The following FUCA1 variants were observed in gnomAD, a reference collection of about 807,000 sequenced individuals.
The protein encoded by FUCA1 is alpha-L-fucosidase 1.
FUCA1 carries 52 observed loss-of-function variants against 56.8 expected under a neutral mutation model. That is an observed-to-expected ratio of 0.92 (90% CI 0.73 to 1.15). The LOEUF (loss-of-function observed/expected upper bound fraction) is 1.15, where lower values mean the gene tolerates loss of function less well. Among genes scored for constraint, FUCA1 ranks in the 50% most tolerant of loss-of-function variants. FUCA1 has a pLI of 0.00. For synonymous variants in FUCA1, 230 were observed against 226.6 expected (o/e 1.02, Z -0.14); for missense variants, 568 against 592.6 (o/e 0.96, Z 0.43).
chr1:23,848,832 AC>A lies in FUCA1; in HGVS notation c.976del (p.Val326PhefsTer4). Reference protein sequence around the residue: ...TEESEIISELVQTVSLGGNYL... With the variant: ...TEESEIISELXQTVSLGGNYL... ...GTTGCCTCCCAAACTTACTGTCTGA[AC>A]CAGTTCCTGGAGAGAACAGAAACAA... is the stretch of plus-strand genomic sequence containing the variant. On this transcript the variant is annotated frameshift_variant, in exon 6 of 8. Transcript: ENST00000374479. LOFTEE classifies it high-confidence loss of function. 3 of 1,613,980 alleles carry A rather than the reference AC, an allele frequency of 1.9e-6. No individual in the cohort carries two copies. The highest frequency in any genetic ancestry group is 2.5e-6 in the Non-Finnish European group (3 of 1,179,874).
At position 23,868,076 on chromosome 1, in the gene FUCA1, C is replaced by T; in HGVS notation, c.211G>A (p.Ala71Thr). The T allele has an allele frequency of 6.2e-7, 1 of 1,611,576 alleles. No individual in the cohort carries two copies. The highest frequency in any genetic ancestry group is 8.5e-7 in the Non-Finnish European group (1 of 1,179,458). ...CACCAGAACCACTCGCTGCCCCAGGCGGGCACCGAGAACACGCCCCAGTGG... is the reference window on the plus strand; with the variant it reads ...CACCAGAACCACTCGCTGCCCCAGGTGGGCACCGAGAACACGCCCCAGTGG... ...FIHWGVFSVP[A>T]WGSEWFWWHW... The change falls in exon 1 of 8, where the codon GCC becomes ACC. Residue 71 changes from alanine (A) to threonine (T), a missense_variant. Coordinates refer to ENST00000374479, the MANE Select transcript of FUCA1 (RefSeq NM_000147.5).
intron 5 of FUCA1, among the ~76,000 whole-genome samples, chr1:23,853,345 G>C (rs1175425020): frequency 6.6e-6 from 1 of 150,746 alleles, no homozygotes; most frequent in Non-Finnish European, 1.5e-5. Context: ...GGAGGGAGGT[G>C]GGGGTCAGCC....
At chr1:23,863,069 T>C (rs1639541663) in intron 3 of FUCA1, 65 bp downstream of exon 3, 2 of 1,545,368 alleles carry the variant, frequency 1.3e-6, no homozygotes, top group Middle Eastern at 1.7e-4. Flanking sequence ...ACTTTAATGG[T>C]ACCCTATAGG....
chr1:23,848,831 A>C lies in FUCA1; in HGVS notation c.978T>G (p.Val326=), dbSNP rs1323951543. Residue 326 remains valine (V), a synonymous_variant, in exon 6 of 8, where the codon GTT becomes GTG. Transcript: ENST00000374479. Reference sequence around the variant, plus strand: ...AGTTGCCTCCCAAACTTACTGTCTGAACCAGTTCCTGGAGAGAACAGAAAC... The same window carrying C: ...AGTTGCCTCCCAAACTTACTGTCTGCACCAGTTCCTGGAGAGAACAGAAAC... ...TEESEIISEL[V]QTVSLGGNYL... is the part of the protein sequence containing the mutation. 1.1e-5 allele frequency: 18 copies of C among 1,614,044 alleles called. No homozygotes were observed. The highest frequency in any genetic ancestry group is 1.4e-5 in the Non-Finnish European group (17 of 1,179,904).
Position 23,854,513 on chromosome 1 carries a change from GT to G in FUCA1, c.815del (p.His272ProfsTer58). 5 of 1,614,030 alleles carry G rather than the reference GT, an allele frequency of 3.1e-6. No individual in the cohort carries two copies. Among genetic ancestry groups the G allele is most frequent in the Non-Finnish European group, 4.2e-6 (5 of 1,179,920 alleles). ...NDRWGQNCSC[H>X]HGGYYNCEDK... ...CTTCACAGTTATAGTATCCTCCATG[GT>G]GACAGGAACAGTTCTGACCCCATCG... On this transcript the variant is annotated frameshift_variant, in exon 5 of 8. Transcript: ENST00000374479. LOFTEE classifies it high-confidence loss of function.
intron 5 of FUCA1, among the ~76,000 whole-genome samples, chr1:23,852,038 GA>G (rs1012976223): frequency 4.3e-4 from 65 of 149,706 alleles, no homozygotes; most frequent in African/African-American, 1.4e-3. Flanking sequence ...AAAAAAAGAG[GA>G]AAAAAATAAT....
Position 23,859,794 on chromosome 1 carries a change from A to G in FUCA1, c.768+4T>C. On this transcript the variant is annotated splice_donor_region_variant and intron_variant, in intron 4 of 7. Coordinates refer to ENST00000374479, the MANE Select transcript of FUCA1 (RefSeq NM_000147.5). Reference sequence around the variant, plus strand: ...GATAAATAAGAAGTCATATAATCACATACCTTGACAGGGCTGTCATTGTAG... The same window carrying G: ...GATAAATAAGAAGTCATATAATCACGTACCTTGACAGGGCTGTCATTGTAG... The G allele has an allele frequency of 5.1e-6, 8 of 1,581,320 alleles. No individual in the cohort carries two copies. Among genetic ancestry groups the G allele is most frequent in the Non-Finnish European group, 6.1e-6 (7 of 1,150,230 alleles).
rs774539460 is a variant in FUCA1 at position 23,868,196 on chromosome 1, C to G, written c.91G>C (p.Ala31Pro). 1.3e-6 allele frequency: 2 copies of G among 1,599,268 alleles called. No individual in the cohort carries two copies. Among genetic ancestry groups the G allele is most frequent in the East Asian group, 2.3e-5 (1 of 44,220 alleles). Residue 31 changes from alanine to proline, a missense_variant, in exon 1 of 8, where the codon GCC becomes CCC. By Grantham distance (27) the Ala-to-Pro change is conservative. Coordinates refer to ENST00000374479, the MANE Select transcript of FUCA1 (RefSeq NM_000147.5). ...GGGGTGTAGCGGCGCGGAGGCTGGG[C>G]CCGACGCACCGACTCGGCCGCTCCG... ...FLGAAESVRR[A>P]QPPRRYTPDW... is the part of the protein sequence containing the mutation.
Position 23,845,620 on chromosome 1 carries a change from A to AAG in FUCA1, c.*93_*94dup. On this transcript the variant is annotated 3_prime_UTR_variant, in exon 8 of 8. Coordinates refer to ENST00000374479, the MANE Select transcript of FUCA1 (RefSeq NM_000147.5). ...TTGGAAAAGCCATCTCTGGGTGGAG[A>AAG]AGAGAAGTTCGTTGATTATAGTGAT... 1.4e-6 allele frequency: 2 copies of AAG among 1,458,400 alleles called. No individual in the cohort carries two copies. Among genetic ancestry groups the AAG allele is most frequent in the Non-Finnish European group, 9.6e-7 (1 of 1,039,218 alleles). The allele number at this position is 1,458,400 out of a possible 1,614,324, so 90.3% of individuals were successfully genotyped here. A position where few individuals can be genotyped will look rare whatever the true frequency, so the allele number is the denominator to read the frequency against.
chr1:23,854,570 G>C lies in FUCA1; in HGVS notation c.769-10C>G. 3 of 1,608,868 alleles carry C rather than the reference G, an allele frequency of 1.9e-6. No homozygotes were observed. In the South Asian group the frequency reaches 3.3e-5, roughly 18 times the overall value. On this transcript the variant is annotated splice_polypyrimidine_tract_variant and intron_variant, in intron 4 of 7. Transcript: ENST00000374479. The stretch of plus-strand genomic sequence containing the variant: ...TTACTACCACCTCATCCTAAGGAGG[G>C]AAAGAATATTTGGTCATGAGGAGTA...
In FUCA1 at chr1:23,854,478, T is replaced by C; in HGVS notation, c.851A>G (p.Lys284Arg). 1.2e-6 allele frequency: 2 copies of C among 1,614,138 alleles called. No homozygotes were observed. The highest frequency in any genetic ancestry group is 1.7e-6 in the Non-Finnish European group (2 of 1,179,952). The change falls in exon 5 of 8, where the codon AAG (lysine) becomes AGG (arginine). Residue 284 changes from lysine to arginine, a missense_variant. Lys to Arg is a conservative substitution (Grantham distance 26). Transcript: ENST00000374479. ...CTTGTGATCTGGCAAGCTCTGTGGC[T>C]TGAATTTATCTTCACAGTTATAGTA... ...GGYYNCEDKF[K>R]PQSLPDHKWE... is the part of the protein sequence containing the mutation.
intron 5 of FUCA1, among the ~76,000 whole-genome samples, chr1:23,853,760 C>T (rs1283488663): frequency 9.3e-5 from 14 of 151,346 alleles, no homozygotes; most frequent in African/African-American, 3.4e-4. Flanking sequence ...ATCGGTGACC[C>T]TACCCACAAC....
rs1639115764 is a variant in FUCA1, at chr1:23,845,332, G to C, written c.*383C>G. On this transcript the variant is annotated 3_prime_UTR_variant, in exon 8 of 8. Coordinates refer to ENST00000374479, the MANE Select transcript of FUCA1 (RefSeq NM_000147.5). ...GATGCTAACTAAATAGCATGTGGTT[G>C]AGCTTGCCAAATCCTTCCACCTCCT... 1 of 332,376 alleles carries C rather than the reference G, an allele frequency of 3.0e-6. No individual in the cohort carries two copies. Among genetic ancestry groups the C allele is most frequent in the Non-Finnish European group, 5.8e-6 (1 of 172,936 alleles). 20.6% of individuals were successfully genotyped at this position (332,376 alleles called of 1,614,324 possible).
rs200301178 is a variant in FUCA1 at position 23,854,064 on chromosome 1, G to GAATA, written c.969+292_969+295dup. ...GAAACACCCAAGAATGATCAATAAAGAATAAATAAATAAATAAATAAATAA... is the reference window on the plus strand; with the variant it reads ...GAAACACCCAAGAATGATCAATAAAGAATAAATAAATAAATAAATAAATAAATAA... On this transcript the variant is annotated intron_variant, in intron 5 of 7. Coordinates refer to ENST00000374479, the MANE Select transcript of FUCA1 (RefSeq NM_000147.5). Among the ~76,000 whole-genome samples, 733 of 150,260 alleles carry GAATA rather than the reference G, an allele frequency of 4.9e-3. 6 individuals are homozygous for GAATA. The highest frequency in any genetic ancestry group is 0.012 in the African/African-American group (484 of 40,676).
chr1:23,855,604 T>C (rs183041939), intron 4 of FUCA1, among the ~76,000 whole-genome samples: 1 of 152,356 alleles, frequency 6.6e-6, no homozygotes, highest in Admixed American at 6.5e-5. Context: ...TTTAGAGTCA[T>C]TCACATTGGT....
At position 23,845,544 on chromosome 1, in the gene FUCA1, G is replaced by T; in HGVS notation, c.*171C>A. ...TAATCACAATGGATCTCAGATCTTT[G>T]GTCCATTTAGACATCAGGGTAATGT... On this transcript the variant is annotated 3_prime_UTR_variant, in exon 8 of 8. Transcript: ENST00000374479. 1 of 720,490 alleles carries T rather than the reference G, an allele frequency of 1.4e-6. No individual in the cohort carries two copies. Among genetic ancestry groups the T allele is most frequent in the Non-Finnish European group, 2.4e-6 (1 of 417,100 alleles). The allele number at this position is 720,490 out of a possible 1,614,324, so 44.6% of individuals were successfully genotyped here.
rs1467356635 is a variant in FUCA1 at position 23,846,141 on chromosome 1, A to G, written c.1193T>C (p.Ile398Thr). 1.2e-6 allele frequency: 2 copies of G among 1,614,038 alleles called. No homozygotes were observed. Residue 398 changes from isoleucine to threonine, a missense_variant, in exon 7 of 8, where the codon ATT becomes ACT. By Grantham distance (89) the Ile-to-Thr change is moderately conservative (BLOSUM62 -1). Transcript: ENST00000374479. The part of the protein sequence containing the change: ...YTSKGSAVYA[I>T]FLHWPENGVL... ...TCCATTTTCTGGCCAGTGCAGAAAAATGGCATAAACAGCCGATCCCTTTGA... is the reference window on the plus strand; with the variant it reads ...TCCATTTTCTGGCCAGTGCAGAAAAGTGGCATAAACAGCCGATCCCTTTGA...
chr1:23,854,268 G>A (rs1271970550), intron 5 of FUCA1, 92 bp downstream of exon 5: 1 of 1,118,054 alleles, frequency 8.9e-7, no homozygotes, highest in Non-Finnish European at 1.3e-6. Flanking sequence ...ACAATATGCT[G>A]TTTTTGCAAG....
chr1:23,850,376 T>G (rs1639230984), intron 5 of FUCA1, among the ~76,000 whole-genome samples: 1 of 151,990 alleles, frequency 6.6e-6, no homozygotes, highest in African/African-American at 2.4e-5. Flanking sequence ...GTACTCCAAG[T>G]GACACCACAC....
Sources: gnomAD v4.1 joint callset for allele counts (sites outside exome capture counted in the v4.1 genomes callset) on GRCh38, gnomAD v4.1.1 for gene constraint, MANE v1.5 for transcripts, NCBI Gene and HGNC (gene_info 2026-07-23, HGNC 2026-07-21) for gene names.